The following HOXA3 variants were observed in gnomAD, a reference collection of about 807,000 sequenced individuals.
HOXA3 encodes the protein homeobox A3.
A neutral mutation model predicts 30.3 loss-of-function variants in HOXA3; 8 were observed. That is an observed-to-expected ratio of 0.26 (90% CI 0.15 to 0.48). The LOEUF (loss-of-function observed/expected upper bound fraction) is 0.48. HOXA3 is among the 20% of genes least tolerant of loss of function. HOXA3 has a pLI of 0.99. For missense variants in HOXA3, 653 were observed against 614.4 expected, an observed-to-expected ratio of 1.06 and a Z score of -0.66; for synonymous variants, 323 against 273.1, an observed-to-expected ratio of 1.18 and a Z score of -1.80.
chr7:27,137,086 G>T (rs932378113), intron 2 of HOXA3, among the ~76,000 whole-genome samples: 1 of 152,170 alleles, frequency 6.6e-6, no homozygotes, highest in Non-Finnish European at 1.5e-5. Flanking sequence ...TAAGCTAAAA[G>T]GATTGTTTTC....
At chr7:27,125,998 G>A (rs190977606) in intron 3 of HOXA3, among the ~76,000 whole-genome samples, 1 of 152,112 alleles carries the variant, frequency 6.6e-6, no homozygotes, top group Non-Finnish European at 1.5e-5. Flanking sequence ...GATGCTATGC[G>A]AAGGGACTTC....
At chr7:27,148,149 C>T (rs572860810) in intron 1 of HOXA3, among the ~76,000 whole-genome samples, 171 of 152,384 alleles carry the variant, frequency 1.1e-3, no homozygotes, top group African/African-American at 4.0e-3. Context: ...CCTTCCTCCT[C>T]CCCTTTTTGC....
At chr7:27,117,224 G>A (rs1026818644) in intron 4 of HOXA3, among the ~76,000 whole-genome samples, 1 of 152,172 alleles carries the variant, frequency 6.6e-6, no homozygotes, top group Non-Finnish European at 1.5e-5. Context: ...CTGGAGAGAT[G>A]TCTGCCTCTG....
intron 2 of HOXA3, chr7:27,130,909 G>A (rs536488915): frequency 3.0e-6 from 2 of 658,154 alleles, no homozygotes; most frequent in African/African-American, 3.9e-5. Context: ...ACCAAAGTTC[G>A]AGCCGCTCCT....
chr7:27,151,384 G>T (rs1583417332), intron 1 of HOXA3: 1 of 339,918 alleles, frequency 2.9e-6, no homozygotes, highest in East Asian at 8.5e-5. Flanking sequence ...CGCGGAAGGT[G>T]GGGAGTGCGG....
intron 2 of HOXA3, chr7:27,130,294 C>T (rs1785474527): frequency 9.1e-7 from 1 of 1,094,478 alleles, no homozygotes; most frequent in Non-Finnish European, 1.1e-6. Flanking sequence ...GGGCACGGCG[C>T]GAGGCTGCAG....
chr7:27,152,269 T>G lies in HOXA3; in HGVS notation c.-494+19A>C, dbSNP rs1441272527. On this transcript the variant is annotated intron_variant, in intron 1 of 5. Coordinates refer to ENST00000612286, the MANE Select transcript of HOXA3 (RefSeq NM_153631.3). ...TCGCCTCACCACCTTTGCTCCTATC[T>G]CCTCCCCACATGTCTCACCTTCAGA... 2.4e-6 allele frequency: 3 copies of G among 1,276,028 alleles called. No individual in the cohort carries two copies. Among genetic ancestry groups the G allele is most frequent in the East Asian group, 1.2e-4 (2 of 17,130 alleles). 79.0% of individuals were successfully genotyped at this position (1,276,028 alleles called of 1,614,324 possible).
chr7:27,147,468 G>A (rs369375493), intron 1 of HOXA3: 21 of 1,614,106 alleles, frequency 1.3e-5, no homozygotes, highest in Non-Finnish European at 1.5e-5. Context: ...CCCTCTGCTT[G>A]CCACTGCCCG....
chr7:27,138,835 A>C (rs1452003422), intron 2 of HOXA3, among the ~76,000 whole-genome samples: 4 of 152,250 alleles, frequency 2.6e-5, no homozygotes, highest in Non-Finnish European at 5.9e-5. Context: ...AGAAAGGCGG[A>C]AATCTCCTAC....
At chr7:27,140,031 G>GAGAGAGAGAGAGAC (rs1303752230) in intron 2 of HOXA3, 52 bp downstream of exon 2, 3 of 135,660 alleles carry the variant, frequency 2.2e-5, no homozygotes, top group South Asian at 2.5e-4. Context: ...GAGAGAGAGA[G>GAGAGAGAGAGAGAC]AAAGTTTCCA....
chr7:27,151,921 C>T (rs531457252), intron 1 of HOXA3, among the ~76,000 whole-genome samples: 1 of 152,240 alleles, frequency 6.6e-6, no homozygotes, highest in South Asian at 2.1e-4. Flanking sequence ...CACAGTGTGC[C>T]GGGCCACTTC....
intron 1 of HOXA3, among the ~76,000 whole-genome samples, chr7:27,144,231 G>A (rs960960657): frequency 6.6e-5 from 10 of 152,202 alleles, no homozygotes; most frequent in Non-Finnish European, 1.3e-4. Context: ...TGAAAATACA[G>A]ATATCACCTT....
rs746664809 is a variant in HOXA3 at position 27,107,923 on chromosome 7, G to A, written c.1324C>T (p.His442Tyr). Reference sequence around the variant, plus strand: ...TAGCCCCAAGCCCACTATCACAGGTGGGTGAGCTTGGGTGCTTCCTGAATT... The same window carrying A: ...TAGCCCCAAGCCCACTATCACAGGTAGGTGAGCTTGGGTGCTTCCTGAATT... ...GRIQEAPKLT[H>Y]L Residue 442 changes from histidine to tyrosine, a missense_variant, in exon 6 of 6, where the codon CAC (histidine) becomes TAC (tyrosine). This residue lies in a region of HOXA3 where 330 missense variants were observed against 274.4 expected (regional missense o/e 1.20). Coordinates refer to ENST00000612286, the MANE Select transcript of HOXA3 (RefSeq NM_153631.3). 18 of 1,572,630 alleles carry A rather than the reference G, an allele frequency of 1.1e-5. No individual in the cohort carries two copies. The South Asian group carries it at 1.9e-4, about 17-fold the overall frequency.
At chr7:27,145,669 C>T (rs1186804130) in intron 1 of HOXA3, 8 of 1,613,644 alleles carry the variant, frequency 5.0e-6, no homozygotes, top group Admixed American at 1.7e-5. Flanking sequence ...TACTCGCCCG[C>T]CTTTGCCTCT....
At chr7:27,150,225 A>C (rs561782102) in intron 1 of HOXA3, 1 of 152,174 alleles carries the variant, frequency 6.6e-6, no homozygotes, top group African/African-American at 2.4e-5. Context: ...CAGACCCTCC[A>C]AAGGGCCTCT....
At chr7:27,151,981 G>A (rs1782986710) in intron 1 of HOXA3, among the ~76,000 whole-genome samples, 1 of 152,184 alleles carries the variant, frequency 6.6e-6, no homozygotes, top group African/African-American at 2.4e-5. Context: ...ACGACCCAAG[G>A]GATGCTGCCC....
In HOXA3 at chr7:27,108,830, G is replaced by T. The variant is rs1784192905; in HGVS notation, c.527-110C>A. ...CCAGGCCCCAAAGGTTCCTGCATCC[G>T]TCAGGTCCCAGAGAGAAGTAGGAAC... is the stretch of plus-strand genomic sequence containing the variant. On this transcript the variant is annotated intron_variant, in intron 5 of 5. Coordinates refer to ENST00000612286, the MANE Select transcript of HOXA3 (RefSeq NM_153631.3). The surrounding 1 kb of genome is among the most constrained non-coding windows in gnomAD (Gnocchi z 5.0). 1 of 765,092 alleles carries T rather than the reference G, an allele frequency of 1.3e-6. No individual in the cohort carries two copies. The highest frequency in any genetic ancestry group is 2.9e-5 in the Admixed American group (1 of 34,534). 47.4% of individuals were successfully genotyped at this position (765,092 alleles called of 1,614,324 possible).
intron 2 of HOXA3, chr7:27,129,681 T>A: frequency 8.4e-7 from 1 of 1,187,864 alleles, no homozygotes; most frequent in Non-Finnish European, 1.2e-6. Flanking sequence ...ACATCATCAT[T>A]ATATAATAAC....
chr7:27,131,041 C>G (rs1267702754), intron 2 of HOXA3, among the ~76,000 whole-genome samples: 1 of 152,094 alleles, frequency 6.6e-6, no homozygotes, highest in East Asian at 1.9e-4. Flanking sequence ...GCTGTCCGGC[C>G]CCTGGGCTGG....
Sources: gnomAD v4.1 joint callset for allele counts (sites outside exome capture counted in the v4.1 genomes callset) on GRCh38, gnomAD v4.1.1 for gene constraint, gnomAD v4.1.1 regional missense constraint, Gnocchi (gnomAD v3.1) non-coding constraint, MANE v1.5 for transcripts, NCBI Gene and HGNC (gene_info 2026-07-23, HGNC 2026-07-21) for gene names.